The following FRMD5 variants were observed in gnomAD, a reference collection of about 807,000 sequenced individuals.
The protein encoded by FRMD5 is FERM domain-containing protein 5.
FRMD5 carries 20 observed loss-of-function variants against 69.0 expected under a neutral mutation model. That is an observed-to-expected ratio of 0.29 (90% CI 0.20 to 0.42). The LOEUF (loss-of-function observed/expected upper bound fraction) is 0.42. Ranked by LOEUF, FRMD5 falls within the 10% of genes least tolerant of loss-of-function variation. The pLI is 1.00. For synonymous variants in FRMD5, 271 were observed against 260.1 expected (o/e 1.04, Z -0.40); for missense variants, 595 against 708.6 (o/e 0.84, Z 1.82).
chr15:44,005,471 C>CAAAAAAAAAAAA (rs55839205), intron 1 of FRMD5, among the ~76,000 whole-genome samples: 1 of 69,440 alleles, frequency 1.4e-5, no homozygotes, highest in African/African-American at 5.0e-5. Context: ...AACTCCATCT[C>CAAAAAAAAAAAA]AAAAAAAAAA....
intron 1 of FRMD5, among the ~76,000 whole-genome samples, chr15:44,066,386 T>C (rs963137054): frequency 1.3e-5 from 2 of 152,216 alleles, no homozygotes; most frequent in South Asian, 2.1e-4. Context: ...TCGTTTACGA[T>C]GTGATAGGGA....
At chr15:44,075,542 G>T (rs1893722016) in intron 1 of FRMD5, among the ~76,000 whole-genome samples, 1 of 152,056 alleles carries the variant, frequency 6.6e-6, no homozygotes, top group South Asian at 2.1e-4. Context: ...ATACTCAAAT[G>T]ATGGTATAAA....
At chr15:44,079,623 G>A (rs1333689118) in intron 1 of FRMD5, among the ~76,000 whole-genome samples, 2 of 152,110 alleles carry the variant, frequency 1.3e-5, no homozygotes, top group Non-Finnish European at 2.9e-5. Flanking sequence ...ATACCCAAAA[G>A]AACTGAAAGC....
At chr15:43,890,898 G>C (rs1175415593) in intron 8 of FRMD5, among the ~76,000 whole-genome samples, 1 of 152,170 alleles carries the variant, frequency 6.6e-6, no homozygotes, top group African/African-American at 2.4e-5. Flanking sequence ...CAAACTCAGT[G>C]GGGGAGCTGA....
intron 1 of FRMD5, among the ~76,000 whole-genome samples, chr15:44,145,726 T>G (rs928070369): frequency 3.9e-5 from 6 of 152,146 alleles, no homozygotes; most frequent in Non-Finnish European, 8.8e-5. Context: ...TTTTGTTTGA[T>G]AAGCAGCAGG....
chr15:43,902,345 T>G, intron 6 of FRMD5, 83 bp from the exon 7 acceptor site: 1 of 1,144,420 alleles, frequency 8.7e-7, no homozygotes, highest in Non-Finnish European at 1.3e-6. Context: ...AAGATGTGCT[T>G]AGGATGAGCC....
intron 1 of FRMD5, among the ~76,000 whole-genome samples, chr15:43,944,652 T>C (rs187465154): frequency 1.3e-5 from 2 of 152,164 alleles, no homozygotes; most frequent in East Asian, 3.9e-4. Flanking sequence ...TGCAGTAGCA[T>C]GATCTTGGCT....
intron 7 of FRMD5, chr15:43,901,952 G>C: frequency 1.9e-6 from 1 of 519,628 alleles, no homozygotes; most frequent in Non-Finnish European, 3.4e-6. Context: ...TTGTTATTTA[G>C]ATTGACTTTG....
At chr15:44,031,776 C>T (rs932155928) in intron 1 of FRMD5, among the ~76,000 whole-genome samples, 37 of 152,104 alleles carry the variant, frequency 2.4e-4, no homozygotes, top group Non-Finnish European at 4.4e-5. Flanking sequence ...ATCATCTTAT[C>T]CTTACATCTG....
Position 43,888,883 on chromosome 15 carries a change from A to G in FRMD5, c.729-11T>C. On this transcript the variant is annotated splice_polypyrimidine_tract_variant and intron_variant, in intron 8 of 13. Transcript: ENST00000417257. ...TTGGTCACCTCATTCCTAGAAGCACAAAGATAGTGCCTGTCACCTCATTGT... is the reference window on the plus strand; with the variant it reads ...TTGGTCACCTCATTCCTAGAAGCACGAAGATAGTGCCTGTCACCTCATTGT... The G allele has an allele frequency of 1.9e-6, 3 of 1,612,930 alleles. No individual in the cohort carries two copies. The highest frequency in any genetic ancestry group is 2.5e-6 in the Non-Finnish European group (3 of 1,178,906).
At chr15:43,924,077 G>A (rs2089541020) in intron 2 of FRMD5, 128 bp downstream of exon 2, 6 of 743,778 alleles carry the variant, frequency 8.1e-6, no homozygotes, top group Non-Finnish European at 1.2e-5. Flanking sequence ...CTGAAGAGAC[G>A]ACATCCAACT....
At chr15:44,120,943 CACAGCCTGAACTCAGTCA>C (rs1277610072) in intron 1 of FRMD5, among the ~76,000 whole-genome samples, 1 of 152,066 alleles carries the variant, frequency 6.6e-6, no homozygotes, top group African/African-American at 2.4e-5. Flanking sequence ...TGCTTAGGAA[CACAGCCTGAACTCAGTCA>C]ACTTATAAAT....
chr15:44,133,411 C>T (rs1366567529), intron 1 of FRMD5, among the ~76,000 whole-genome samples: 3 of 151,414 alleles, frequency 2.0e-5, no homozygotes, highest in Non-Finnish European at 2.9e-5. Context: ...CCCGTGTCTA[C>T]TAAAAATACA....
intron 1 of FRMD5, among the ~76,000 whole-genome samples, chr15:44,193,937 A>G (rs754952670): frequency 6.6e-6 from 1 of 152,228 alleles, no homozygotes; most frequent in Non-Finnish European, 1.5e-5. Context: ...CTGCAAAGGC[A>G]AAGGATCAGG....
intron 13 of FRMD5, among the ~76,000 whole-genome samples, chr15:43,878,257 T>G (rs1463921660): frequency 6.6e-6 from 1 of 151,716 alleles, no homozygotes; most frequent in Non-Finnish European, 1.5e-5. Context: ...ATAATGTTGA[T>G]GAGAAAAAAA....
intron 1 of FRMD5, among the ~76,000 whole-genome samples, chr15:43,983,719 C>T (rs952714222): frequency 3.3e-5 from 5 of 152,158 alleles, no homozygotes; most frequent in Admixed American, 1.3e-4. Context: ...GGGGTCTCAG[C>T]AGAGAAAACA....
chr15:44,160,807 T>A (rs1288084860), intron 1 of FRMD5, among the ~76,000 whole-genome samples: 1 of 152,254 alleles, frequency 6.6e-6, no homozygotes, highest in Non-Finnish European at 1.5e-5. Context: ...TGATGATTCC[T>A]TGTCTATAAA....
chr15:44,178,008 T>C (rs190813296), intron 1 of FRMD5, among the ~76,000 whole-genome samples: 80 of 152,320 alleles, frequency 5.3e-4, no homozygotes, highest in African/African-American at 1.8e-3. Flanking sequence ...TCTATGTAAA[T>C]TGTACCCCAA....
At chr15:44,125,059 T>C (rs988630358) in intron 1 of FRMD5, among the ~76,000 whole-genome samples, 1 of 152,240 alleles carries the variant, frequency 6.6e-6, no homozygotes, top group Non-Finnish European at 1.5e-5. Context: ...TCTTTGAAGT[T>C]ACTTCAGTTC....
Sources: allele counts gnomAD v4.1 joint callset (sites outside exome capture counted in the v4.1 genomes callset), GRCh38; gene constraint gnomAD v4.1.1; transcripts MANE v1.5; gene names NCBI Gene and HGNC (gene_info 2026-07-23, HGNC 2026-07-21).